The following SUOX variants were observed in gnomAD, a reference collection of about 807,000 sequenced individuals.
The protein encoded by SUOX is sulfite oxidase.
A neutral mutation model predicts 41.9 loss-of-function variants in SUOX; 39 were observed. The ratio of observed to expected loss-of-function variants is 0.93; its 90% CI spans 0.72 to 1.21. The LOEUF is 1.21. SUOX is among the 50% of genes most tolerant of loss of function. The pLI is 0.00. For synonymous variants in SUOX, 220 were observed against 268.4 expected (o/e 0.82, Z 1.76); for missense variants, 633 against 689.5 (o/e 0.92, Z 0.92).
Position 56,004,287 on chromosome 12 carries a change from G to C in SUOX, c.898G>C (p.Asp300His), listed in dbSNP as rs1366698332. The C allele has an allele frequency of 6.2e-7, 1 of 1,614,084 alleles. No homozygotes were observed. The highest frequency in any genetic ancestry group is 8.5e-7 in the Non-Finnish European group (1 of 1,180,006). The change falls in exon 5 of 5, where the codon GAT (aspartate) becomes CAT (histidine). Residue 300 changes from aspartate (D) to histidine (H), a missense_variant. By Grantham distance (81) the Asp-to-His change is moderately conservative (BLOSUM62 -1). Transcript: ENST00000266971. The surrounding 1 kb of genome is among the most constrained non-coding windows in gnomAD (Gnocchi z 4.5). ...ACGCTGGGCTGGGGCACGGCTCTGT[G>C]ATGTGTTAGCCCAGGCTGGCCACCA... ...TARWAGARLC[D>H]VLAQAGHQLC... is the part of the protein sequence containing the mutation.
In SUOX at chr12:56,003,860, T is replaced by G. The variant is rs1292062943; in HGVS notation, c.471T>G (p.Ile157Met). 2 of 1,614,044 alleles carry G rather than the reference T, an allele frequency of 1.2e-6. No individual in the cohort carries two copies. The highest frequency in any genetic ancestry group is 1.1e-5 in the South Asian group (1 of 91,076). Residue 157 changes from isoleucine to methionine, a missense_variant, in exon 5 of 5, where the codon ATT becomes ATG. Transcript: ENST00000266971. ...HVRELLAQYK[I>M]GELNPEDKVA... ...GTGAGTTACTGGCTCAGTACAAGAT[T>G]GGGGAGCTGAATCCTGAAGACAAGG...
At chr12:56,002,886 G>A (rs1462624994) in intron 4 of SUOX, 166 bp downstream of exon 4, 3 of 695,464 alleles carry the variant, frequency 4.3e-6, no homozygotes, top group African/African-American at 1.8e-5. Context: ...AATTAGCCAG[G>A]TGTGGTGGTA....
At position 56,004,624 on chromosome 12, in the gene SUOX, T is replaced by G; in HGVS notation, c.1235T>G (p.Val412Gly). The G allele has an allele frequency of 6.2e-7, 1 of 1,614,168 alleles. No individual in the cohort carries two copies. Among genetic ancestry groups the G allele is most frequent in the Non-Finnish European group, 8.5e-7 (1 of 1,180,030 alleles). ...GFSPSVDWET[V>G]DFDSAPSIQE... Reference sequence around the variant, plus strand: ...TCTCCATCTGTGGACTGGGAGACTGTAGATTTTGACTCTGCTCCATCCATT... The same window carrying G: ...TCTCCATCTGTGGACTGGGAGACTGGAGATTTTGACTCTGCTCCATCCATT... The change falls in exon 5 of 5, where the codon GTA becomes GGA. Residue 412 changes from valine (V) to glycine (G), a missense_variant. Transcript: ENST00000266971. This position sits in a 1 kb window ranked among gnomAD's most constrained non-coding sequence, Gnocchi z 4.5.
rs1435587153 is a variant in SUOX at position 56,003,988 on chromosome 12, C to T, written c.599C>T (p.Pro200Leu). 3 of 1,614,180 alleles carry T rather than the reference C, an allele frequency of 1.9e-6. No homozygotes were observed. The highest frequency in any genetic ancestry group is 1.3e-5 in the African/African-American group (1 of 75,040). ...SQRPFNAEPP[P>L]ELLTENYITP... is the part of the protein sequence containing the mutation. ...CGGCCCTTTAATGCAGAGCCTCCCC[C>T]TGAGCTGCTGACAGAAAACTACATC... The change falls in exon 5 of 5, where the codon CCT becomes CTT. Residue 200 changes from proline (P) to leucine (L), a missense_variant. By Grantham distance (98) the Pro-to-Leu change is moderately conservative. Coordinates refer to ENST00000266971, the MANE Select transcript of SUOX (RefSeq NM_001032386.2).
In SUOX at chr12:56,004,642, C is replaced by T; in HGVS notation, c.1253C>T (p.Pro418Leu). 6.2e-7 allele frequency: 1 copy of T among 1,613,936 alleles called. No homozygotes were observed. The highest frequency in any genetic ancestry group is 2.2e-5 in the East Asian group (1 of 44,884). ...GAGACTGTAGATTTTGACTCTGCTC[C>T]ATCCATTCAGGAACTTCCTGTCCAG... ...DWETVDFDSAPSIQELPVQSA... is the reference protein window; with the variant it reads ...DWETVDFDSALSIQELPVQSA... Residue 418 changes from proline (P) to leucine (L), a missense_variant, in exon 5 of 5, where the codon CCA (proline) becomes CTA (leucine). Coordinates refer to ENST00000266971, the MANE Select transcript of SUOX (RefSeq NM_001032386.2). The surrounding 1 kb of genome is among the most constrained non-coding windows in gnomAD (Gnocchi z 4.5).
chr12:56,004,604 A>G lies in SUOX; in HGVS notation c.1215A>G (p.Pro405=). 1 of 1,614,140 alleles carries G rather than the reference A, an allele frequency of 6.2e-7. No homozygotes were observed. The highest frequency in any genetic ancestry group is 8.5e-7 in the Non-Finnish European group (1 of 1,180,022). Residue 405 remains proline, a synonymous_variant, in exon 5 of 5, where the codon CCA becomes CCG. Coordinates refer to ENST00000266971, the MANE Select transcript of SUOX (RefSeq NM_001032386.2). The surrounding 1 kb of genome is among the most constrained non-coding windows in gnomAD (Gnocchi z 4.5). ...WQRRDYKGFS[P]SVDWETVDFD... is the part of the protein sequence containing the mutation. ...GGCGGGATTACAAAGGCTTCTCTCCATCTGTGGACTGGGAGACTGTAGATT... is the reference window on the plus strand; with the variant it reads ...GGCGGGATTACAAAGGCTTCTCTCCGTCTGTGGACTGGGAGACTGTAGATT...
intron 2 of SUOX, among the ~76,000 whole-genome samples, chr12:56,000,947 A>AT (rs993463495): frequency 1.4e-3 from 201 of 145,222 alleles, no homozygotes; most frequent in African/African-American, 3.1e-3. Flanking sequence ...AGCCCGGCTA[A>AT]TTTTTTTTTT....
At chr12:56,003,368 TCTC>T (rs921632473) in intron 4 of SUOX, among the ~76,000 whole-genome samples, 1 of 151,970 alleles carries the variant, frequency 6.6e-6, no homozygotes, top group Non-Finnish European at 1.5e-5. Context: ...TTCAAGTGAT[TCTC>T]CTGCCTCAGC....
In SUOX at chr12:56,005,082, A is replaced by C. The variant is rs1890697684; in HGVS notation, c.*55A>C. On this transcript the variant is annotated 3_prime_UTR_variant, in exon 5 of 5. Coordinates refer to ENST00000266971, the MANE Select transcript of SUOX (RefSeq NM_001032386.2). ...CCCCACCCATTAGCCTCACTGCTTC[A>C]GAAAAATCTTTCCCACCTTTCAACT... 1 of 1,588,594 alleles carries C rather than the reference A, an allele frequency of 6.3e-7. No individual in the cohort carries two copies. The highest frequency in any genetic ancestry group is 8.6e-7 in the Non-Finnish European group (1 of 1,169,564).
intron 2 of SUOX, among the ~76,000 whole-genome samples, chr12:55,999,836 C>T (rs1890446642): frequency 1.3e-5 from 2 of 152,190 alleles, no homozygotes; most frequent in Non-Finnish European, 2.9e-5. Flanking sequence ...CTGAGCTAGA[C>T]ACAAAGGTTC....
intron 2 of SUOX, among the ~76,000 whole-genome samples, chr12:56,000,850 G>A (rs1409039568): frequency 6.6e-6 from 1 of 151,824 alleles, no homozygotes; most frequent in African/African-American, 2.4e-5. Flanking sequence ...GCAGTGGCGC[G>A]ATCTCGGCTC....
In SUOX at chr12:56,002,719, G is replaced by C; in HGVS notation, c.227G>C (p.Arg76Thr). 6.2e-7 allele frequency: 1 copy of C among 1,614,058 alleles called. No individual in the cohort carries two copies. Among genetic ancestry groups the C allele is most frequent in the Non-Finnish European group, 8.5e-7 (1 of 1,180,000 alleles). The change falls in exon 4 of 5, where the codon AGG (arginine) becomes ACG (threonine). Residue 76 changes from arginine (R) to threonine (T), a missense_variant and splice_region_variant. Physicochemically the swap from Arg to Thr is moderately conservative, Grantham distance 71. Transcript: ENST00000266971. ...AVLAYQDHRCRAAQESTHIYT... is the reference protein window; with the variant it reads ...AVLAYQDHRCTAAQESTHIYT... ...TTGGCCTATCAGGACCATCGGTGTA[G>C]GGTAAGTAGGGAAAGTGCTTCATTG... is the stretch of plus-strand genomic sequence containing the variant.
intron 2 of SUOX, chr12:56,001,168 A>G (rs1191069934): frequency 8.8e-6 from 1 of 113,030 alleles, no homozygotes; most frequent in Non-Finnish European, 1.7e-5. Context: ...TCTGTTGCCC[A>G]GACTGGAGAG....
chr12:56,002,372 T>C (rs1890564756), intron 3 of SUOX, 101 bp downstream of exon 3: 1 of 1,513,326 alleles, frequency 6.6e-7, no homozygotes, highest in African/African-American at 1.4e-5. Flanking sequence ...TGAGAGAGTG[T>C]GTCCAGGGAG....
intron 2 of SUOX, among the ~76,000 whole-genome samples, chr12:56,000,609 T>G (rs1290001072): frequency 6.6e-6 from 1 of 152,136 alleles, no homozygotes; most frequent in Non-Finnish European, 1.5e-5. Flanking sequence ...AGCGGCGAGC[T>G]GAAGGGCTCC....
Position 56,004,856 on chromosome 12 carries a change from T to C in SUOX, c.1467T>C (p.Arg489=), listed in dbSNP as rs1452614397. 1 of 1,614,140 alleles carries C rather than the reference T, an allele frequency of 6.2e-7. No individual in the cohort carries two copies. The part of the protein sequence containing the change: ...EQRPRKAWAW[R]LWQLKAPVPA... The stretch of plus-strand genomic sequence containing the variant: ...GCCCCAGGAAGGCCTGGGCATGGCG[T>C]CTGTGGCAGTTGAAAGCCCCTGTGC... Residue 489 remains arginine, a synonymous_variant, in exon 5 of 5, where the codon CGT becomes CGC. Transcript: ENST00000266971. This position sits in a 1 kb window ranked among gnomAD's most constrained non-coding sequence, Gnocchi z 4.5.
rs1340485049 is a variant in SUOX, at chr12:56,004,248, G to A, written c.859G>A (p.Ala287Thr). 6.2e-7 allele frequency: 1 copy of A among 1,614,094 alleles called. No individual in the cohort carries two copies. The highest frequency in any genetic ancestry group is 1.7e-5 in the Admixed American group (1 of 60,028). ...AAAAGGTCTGGAGTGGAGAACAGGA[G>A]CCATCAGCACTGCACGCTGGGCTGG... is the stretch of plus-strand genomic sequence containing the variant. ...EVKGLEWRTG[A>T]ISTARWAGAR... The change falls in exon 5 of 5, where the codon GCC becomes ACC. Residue 287 changes from alanine to threonine, a missense_variant. Ala to Thr is a moderately conservative substitution (Grantham distance 58, BLOSUM62 0). Transcript: ENST00000266971. This position sits in a 1 kb window ranked among gnomAD's most constrained non-coding sequence, Gnocchi z 4.5.
intron 2 of SUOX, among the ~76,000 whole-genome samples, chr12:56,000,492 C>G (rs889456648): frequency 6.6e-6 from 1 of 152,226 alleles, no homozygotes; most frequent in Non-Finnish European, 1.5e-5. Context: ...CCCGCAAGCT[C>G]CGCGCTCAGC....
In SUOX at chr12:56,004,952, C is replaced by A. The variant is rs572901773; in HGVS notation, c.1563C>A (p.Thr521=). Residue 521 remains threonine, a synonymous_variant, in exon 5 of 5, where the codon ACC becomes ACA. Coordinates refer to ENST00000266971, the MANE Select transcript of SUOX (RefSeq NM_001032386.2). This position sits in a 1 kb window ranked among gnomAD's most constrained non-coding sequence, Gnocchi z 4.5. ...ATGGTTACAATGTGCAGCCAGACAC[C>A]GTGGCCCCAATCTGGAACCTGCGAG... ...VDDGYNVQPD[T]VAPIWNLRGV... The A allele has an allele frequency of 1.9e-6, 3 of 1,614,046 alleles. No homozygotes were observed. The Admixed American group carries it at 5.0e-5, about 27-fold the overall frequency.
Sources: allele counts gnomAD v4.1 joint callset (sites outside exome capture counted in the v4.1 genomes callset), GRCh38; gene constraint gnomAD v4.1.1; non-coding constraint Gnocchi (gnomAD v3.1); transcripts MANE v1.5; gene names NCBI Gene and HGNC (gene_info 2026-07-23, HGNC 2026-07-21).